SORCS2: variants seen among roughly 807,000 people sequenced by gnomAD.
The protein encoded by SORCS2 is sortilin related VPS10 domain containing receptor 2.
In SORCS2, 100 loss-of-function variants were observed where a neutral mutation model predicts 141.6. The observed-to-expected ratio is 0.71, with a 90% confidence interval of 0.60 to 0.83. The LOEUF (loss-of-function observed/expected upper bound fraction) is 0.83. SORCS2 is among the 40% of genes least tolerant of loss of function. The pLI, the probability that SORCS2 is intolerant of heterozygous loss-of-function variation, is 0.00. For missense variants in SORCS2, 1,646 were observed against 1,560.2 expected (o/e 1.05, Z -0.93); for synonymous variants, 789 against 676.9 (o/e 1.17, Z -2.57).
intron 1 of SORCS2, among the ~76,000 whole-genome samples, chr4:7,275,940 G>A (rs756916214): frequency 1.3e-5 from 2 of 152,194 alleles, no homozygotes; most frequent in Non-Finnish European, 1.5e-5. Flanking sequence ...GAATGCAAAT[G>A]AAGTGCATCC....
At chr4:7,477,367 CGTGGCTG>C (rs1227202960) in intron 2 of SORCS2, among the ~76,000 whole-genome samples, 8 of 134,932 alleles carry the variant, frequency 5.9e-5, no homozygotes, top group Admixed American at 2.8e-4. Flanking sequence ...TGGGGCTGAC[CGTGGCTG>C]ACCGTGGCTG....
intron 1 of SORCS2, among the ~76,000 whole-genome samples, chr4:7,353,153 C>G (rs934980339): frequency 3.3e-5 from 5 of 152,186 alleles, no homozygotes; most frequent in Non-Finnish European, 7.4e-5. Context: ...GGACCAAAAT[C>G]TAGGGGCCCA....
intron 1 of SORCS2, among the ~76,000 whole-genome samples, chr4:7,349,326 T>C (rs2109002770): frequency 6.6e-6 from 1 of 152,300 alleles, no homozygotes; most frequent in East Asian, 1.9e-4. Flanking sequence ...TGCAGGTGTC[T>C]CAGCATTCTC....
intron 1 of SORCS2, among the ~76,000 whole-genome samples, chr4:7,362,838 T>C (rs112233611): frequency 0.085 from 12,886 of 150,996 alleles, 645 homozygotes; most frequent in East Asian, 0.18. Context: ...ATTACTACCA[T>C]CATCATTATC....
chr4:7,440,741 T>G (rs1727609468), intron 2 of SORCS2, among the ~76,000 whole-genome samples: 1 of 152,148 alleles, frequency 6.6e-6, no homozygotes, highest in South Asian at 2.1e-4. Flanking sequence ...CCAAGTCTCC[T>G]GGGGGACCCT....
intron 2 of SORCS2, among the ~76,000 whole-genome samples, chr4:7,507,755 A>AG (rs1443245418): frequency 1.3e-5 from 2 of 151,694 alleles, no homozygotes; most frequent in Admixed American, 6.6e-5. Flanking sequence ...AATGGGGGGA[A>AG]AAGTTAAGGC....
chr4:7,454,220 G>A (rs557569692), intron 2 of SORCS2, among the ~76,000 whole-genome samples: 1 of 134,542 alleles, frequency 7.4e-6, no homozygotes, highest in African/African-American at 2.9e-5. Flanking sequence ...GTCAGGTGCT[G>A]TGTGTTGGGG....
Position 7,648,329 on chromosome 4 carries a change from T to A in SORCS2, c.814-5805T>A, listed in dbSNP as rs1332168165. Among the ~76,000 whole-genome samples the A allele has an allele frequency of 6.6e-6, 1 of 150,684 alleles. No homozygotes were observed. The highest frequency in any genetic ancestry group is 1.5e-5 in the Non-Finnish European group (1 of 67,602). On this transcript the variant is annotated intron_variant, in intron 4 of 26. Coordinates refer to ENST00000507866, the MANE Select transcript of SORCS2 (RefSeq NM_020777.3). The surrounding 1 kb of genome is among the most constrained non-coding windows in gnomAD (Gnocchi z 4.2). ...TGACCGTGGAGAGGGTGTCAAGGAGTCAGGGGTCATCAGGGCAGAAATGGG... is the reference window on the plus strand; with the variant it reads ...TGACCGTGGAGAGGGTGTCAAGGAGACAGGGGTCATCAGGGCAGAAATGGG...
At chr4:7,224,138 C>T (rs542476259) in intron 1 of SORCS2, among the ~76,000 whole-genome samples, 1 of 152,178 alleles carries the variant, frequency 6.6e-6, no homozygotes, top group Non-Finnish European at 1.5e-5. Context: ...GATGCAGATC[C>T]AGATCCATCT....
chr4:7,322,997 G>A (rs1344366513), intron 1 of SORCS2, among the ~76,000 whole-genome samples: 1 of 151,926 alleles, frequency 6.6e-6, no homozygotes, highest in Non-Finnish European at 1.5e-5. Flanking sequence ...CTGTATTCCA[G>A]TAGCTCTAGT....
rs983358176 is a variant in SORCS2, at chr4:7,663,743, G to A, written c.953-610G>A. ...AGGAAAAGGAAGAGGAGGAAGAGGA[G>A]GAGGAGGAGGCACCCTTCCCTTGGT... On this transcript the variant is annotated intron_variant, in intron 6 of 26. Coordinates refer to ENST00000507866, the MANE Select transcript of SORCS2 (RefSeq NM_020777.3). The surrounding 1 kb of genome is among the most constrained non-coding windows in gnomAD (Gnocchi z 4.8). 6.6e-6 allele frequency among the ~76,000 whole-genome samples: 1 copy of A among 152,186 alleles called. No individual in the cohort carries two copies. The highest frequency in any genetic ancestry group is 1.5e-5 in the Non-Finnish European group (1 of 68,036).
At chr4:7,398,391 G>C (rs1560252113) in intron 2 of SORCS2, among the ~76,000 whole-genome samples, 1 of 152,222 alleles carries the variant, frequency 6.6e-6, no homozygotes, top group Non-Finnish European at 1.5e-5. Context: ...TGTGAGAACT[G>C]AATGAGGAAA....
chr4:7,259,554 C>T (rs535692685), intron 1 of SORCS2, among the ~76,000 whole-genome samples: 1 of 152,304 alleles, frequency 6.6e-6, no homozygotes, highest in East Asian at 1.9e-4. Context: ...CAGGGGTGGC[C>T]CTTGGTGTGG....
At chr4:7,277,402 G>T (rs1044271124) in intron 1 of SORCS2, among the ~76,000 whole-genome samples, 6 of 152,170 alleles carry the variant, frequency 3.9e-5, no homozygotes, top group Admixed American at 6.5e-5. Context: ...TTGTGTGTGT[G>T]TGCAGCTTCT....
intron 2 of SORCS2, among the ~76,000 whole-genome samples, chr4:7,511,580 T>G (rs1732656060): frequency 1.4e-5 from 2 of 148,138 alleles, no homozygotes; most frequent in Admixed American, 6.7e-5. Context: ...GAGCCTGGGG[T>G]GGGGGCAGAG....
rs193184765 is a variant in SORCS2, at chr4:7,506,178, T to A, written c.549-25352T>A. 1.9e-3 allele frequency among the ~76,000 whole-genome samples: 291 copies of A among 152,002 alleles called. 2 individuals carry two copies. The highest frequency in any genetic ancestry group is 9.0e-4 in the Non-Finnish European group (61 of 67,942). The stretch of plus-strand genomic sequence containing the variant: ...AGCCACAGCGTCCTGTGTGCGAGAG[T>A]CCCAGTGAACAGCGCGTGAGAAAAG... On this transcript the variant is annotated intron_variant, in intron 2 of 26. Coordinates refer to ENST00000507866, the MANE Select transcript of SORCS2 (RefSeq NM_020777.3).
At chr4:7,640,174 G>C (rs1720597454) in intron 4 of SORCS2, among the ~76,000 whole-genome samples, 1 of 99,150 alleles carries the variant, frequency 1.0e-5, no homozygotes, top group Non-Finnish European at 2.0e-5. Context: ...ATGTGTGGGT[G>C]AGTGTGAGAG....
intron 12 of SORCS2, among the ~76,000 whole-genome samples, chr4:7,699,678 C>G (rs781084179): frequency 6.6e-6 from 1 of 152,120 alleles, no homozygotes; most frequent in Non-Finnish European, 1.5e-5. Context: ...GAATCATGCT[C>G]GGGCATGGCA....
At chr4:7,708,147 C>G (rs991051296) in intron 14 of SORCS2, among the ~76,000 whole-genome samples, 1 of 152,208 alleles carries the variant, frequency 6.6e-6, no homozygotes, top group Non-Finnish European at 1.5e-5. Flanking sequence ...TTAAACTCCA[C>G]GAGGTCGCCG....
Sources: allele counts gnomAD v4.1 joint callset (sites outside exome capture counted in the v4.1 genomes callset), GRCh38; gene constraint gnomAD v4.1.1; non-coding constraint Gnocchi (gnomAD v3.1); transcripts MANE v1.5; gene names NCBI Gene and HGNC (gene_info 2026-07-23, HGNC 2026-07-21).